The following TNFSF8 variants were observed in gnomAD, a reference collection of about 807,000 sequenced individuals.
The protein encoded by TNFSF8 is TNF superfamily member 8.
Under a neutral mutation model 22.0 loss-of-function variants are expected in TNFSF8, and 4 were observed. The observed-to-expected ratio is 0.18, with a 90% CI of 0.09 to 0.42. The LOEUF (loss-of-function observed/expected upper bound fraction) is 0.42, where lower values mean the gene tolerates loss of function less well. TNFSF8 is among the 10% of genes least tolerant of loss of function. The pLI is 1.00. For missense variants in TNFSF8, 233 were observed against 281.8 expected (o/e 0.83, Z 1.24); for synonymous variants, 106 against 112.5 (o/e 0.94, Z 0.37).
Position 114,902,683 on chromosome 9 carries a change from A to AG in TNFSF8, c.*1247dup, listed in dbSNP as rs1211775232. 11 of 985,228 alleles carry AG rather than the reference A, an allele frequency of 1.1e-5. No individual in the cohort carries two copies. The highest frequency in any genetic ancestry group is 1.3e-5 in the Non-Finnish European group (11 of 829,926). The allele number at this position is 985,228 out of a possible 1,614,324, so 61.0% of individuals were successfully genotyped here. A position where few individuals can be genotyped will look rare whatever the true frequency, so the allele number is the denominator to read the frequency against. On this transcript the variant is annotated 3_prime_UTR_variant, in exon 4 of 4. Coordinates refer to ENST00000223795, the MANE Select transcript of TNFSF8 (RefSeq NM_001244.4). Reference sequence around the variant, plus strand: ...AGTGTCTTCAATTATATACTGGGGTAGGGGGGCCTTATTTTGGTTGGAGAG... The same window carrying AG: ...AGTGTCTTCAATTATATACTGGGGTAGGGGGGGCCTTATTTTGGTTGGAGAG...
intron 4 of TNFSF8, among the ~76,000 whole-genome samples, chr9:114,895,907 T>C (rs1827651003): frequency 6.6e-6 from 1 of 152,234 alleles, no homozygotes; most frequent in Non-Finnish European, 1.5e-5. Flanking sequence ...GTTGTCCAGA[T>C]TATTCCTAGT....
chr9:114,917,956 A>T, intron 2 of TNFSF8, 140 bp downstream of exon 2: 1 of 719,520 alleles, frequency 1.4e-6, no homozygotes, highest in South Asian at 2.3e-5. Flanking sequence ...TCAGTCCTGA[A>T]CAGCCCTTGC....
rs200044873 is a variant in TNFSF8 at position 114,904,342 on chromosome 9, A to G, written c.311-17T>C. On this transcript the variant is annotated splice_polypyrimidine_tract_variant and intron_variant, in intron 3 of 3. Coordinates refer to ENST00000223795, the MANE Select transcript of TNFSF8 (RefSeq NM_001244.4). ...GCTTTGCCACTAGAAAGAGAAGTAT[A>G]GAAAACAGAATTATTGAGAAGATTG... The G allele has an allele frequency of 2.2e-5, 34 of 1,576,636 alleles. No individual in the cohort carries two copies. The East Asian group carries it at 7.2e-4, about 33-fold the overall frequency.
intron 2 of TNFSF8, among the ~76,000 whole-genome samples, chr9:114,915,737 G>A (rs1177559220): frequency 6.7e-6 from 1 of 149,420 alleles, no homozygotes; most frequent in Non-Finnish European, 1.5e-5. Flanking sequence ...CCCAAAGGAG[G>A]TATGGGAAGG....
At position 114,901,351 on chromosome 9, in the gene TNFSF8, T is replaced by C. The variant is rs961484608; in HGVS notation, c.*2580A>G. The C allele has an allele frequency of 8.1e-6, 8 of 985,440 alleles. No individual in the cohort carries two copies. Among genetic ancestry groups the C allele is most frequent in the Non-Finnish European group, 9.6e-6 (8 of 829,912 alleles). 61.0% of individuals were successfully genotyped at this position (985,440 alleles called of 1,614,324 possible). A position where few individuals can be genotyped will look rare whatever the true frequency, so the allele number is the denominator to read the frequency against. On this transcript the variant is annotated 3_prime_UTR_variant, in exon 4 of 4. Transcript: ENST00000223795. ...TTTTTTTGTTTGTTTGGTTACATTA[T>C]TCATTTAAATGATGTACCCCTTGTG... is the stretch of plus-strand genomic sequence containing the variant.
intron 2 of TNFSF8, among the ~76,000 whole-genome samples, chr9:114,908,588 T>G (rs1222738398): frequency 6.6e-6 from 1 of 152,156 alleles, no homozygotes. Context: ...CTGGTTCTTT[T>G]GTTGTTTTTT....
Position 114,907,484 on chromosome 9 carries a change from C to A in TNFSF8, c.239-1585G>T, listed in dbSNP as rs567822977. Among the ~76,000 whole-genome samples the A allele has an allele frequency of 2.0e-4, 30 of 152,270 alleles. No individual in the cohort carries two copies. In the South Asian group the frequency reaches 6.2e-3, roughly 32 times the overall value. On this transcript the variant is annotated intron_variant, in intron 2 of 3. Coordinates refer to ENST00000223795, the MANE Select transcript of TNFSF8 (RefSeq NM_001244.4). ...TGGCGTAGCCTCCTACTCTAAGCTGCAGAACATCAAGCCAGGGAGACAGAC... is the reference window on the plus strand; with the variant it reads ...TGGCGTAGCCTCCTACTCTAAGCTGAAGAACATCAAGCCAGGGAGACAGAC...
intron 1 of TNFSF8, among the ~76,000 whole-genome samples, chr9:114,923,522 C>CTTTTTTT: frequency 1.1e-5 from 1 of 89,746 alleles, no homozygotes; most frequent in South Asian, 3.8e-4. Context: ...TTCTTTCTTT[C>CTTTTTTT]TTTTTTTTTT....
chr9:114,930,251 G>A lies in TNFSF8; in HGVS notation c.53C>T (p.Thr18Ile), dbSNP rs61756337. Residue 18 changes from threonine to isoleucine, a missense_variant, in exon 1 of 4, where the codon ACA (threonine) becomes ATA (isoleucine). Physicochemically the swap from Thr to Ile is moderately conservative, Grantham distance 89. Coordinates refer to ENST00000223795, the MANE Select transcript of TNFSF8 (RefSeq NM_001244.4). ...ALNGMAPPGD[T>I]AMHVPAGSVA... ...GGAGCCCGCCGGCACATGCATGGCT[G>A]TGTCTCCAGGAGGGGCCATTCCGTT... 353 of 1,605,538 alleles carry A rather than the reference G, an allele frequency of 2.2e-4. No individual in the cohort carries two copies. Among genetic ancestry groups the A allele is most frequent in the Non-Finnish European group, 2.8e-4 (332 of 1,175,940 alleles).
downstream of TNFSF8, among the ~76,000 whole-genome samples, chr9:114,897,264 GT>G (rs11353389): frequency 0.55 from 82,488 of 149,376 alleles, 24,103 homozygotes; most frequent in African/African-American, 0.75. Flanking sequence ...GAAAAGAACT[GT>G]TTTTTTTTTT....
At chr9:114,914,194 A>G (rs902301067) in intron 2 of TNFSF8, among the ~76,000 whole-genome samples, 11 of 152,282 alleles carry the variant, frequency 7.2e-5, no homozygotes, top group African/African-American at 2.4e-4. Context: ...CCCAGGGAGG[A>G]TAGCTGTCCC....
At chr9:114,915,018 C>T (rs965300678) in intron 2 of TNFSF8, among the ~76,000 whole-genome samples, 2 of 152,186 alleles carry the variant, frequency 1.3e-5, no homozygotes, top group Non-Finnish European at 1.5e-5. Flanking sequence ...TTTTCAACAG[C>T]CAGTGAAAAA....
At chr9:114,923,434 A>T (rs1828013540) in intron 1 of TNFSF8, among the ~76,000 whole-genome samples, 1 of 151,766 alleles carries the variant, frequency 6.6e-6, no homozygotes, top group South Asian at 2.1e-4. Context: ...AAGAGTATTT[A>T]TGTCTTCAGA....
At chr9:114,918,186 G>C in intron 1 of TNFSF8, 48 bp from the exon 2 acceptor site, 1 of 1,552,330 alleles carries the variant, frequency 6.4e-7, no homozygotes, top group South Asian at 1.2e-5. Context: ...ACATTCAGTT[G>C]AAACAACTTT....
chr9:114,904,486 A>ATG (rs1827760475), intron 3 of TNFSF8, among the ~76,000 whole-genome samples, 161 bp from the exon 4 acceptor site: 1 of 152,196 alleles, frequency 6.6e-6, no homozygotes, highest in Non-Finnish European at 1.5e-5. Context: ...GAGTCTACTT[A>ATG]TTACTCAAGG....
At chr9:114,923,180 T>C (rs564022060) in intron 1 of TNFSF8, among the ~76,000 whole-genome samples, 1 of 151,978 alleles carries the variant, frequency 6.6e-6, no homozygotes, top group Non-Finnish European at 1.5e-5. Context: ...CTACCATTCC[T>C]CTCCTCACAC....
At chr9:114,924,960 G>A (rs1828038356) in intron 1 of TNFSF8, among the ~76,000 whole-genome samples, 1 of 152,174 alleles carries the variant, frequency 6.6e-6, no homozygotes, top group South Asian at 2.1e-4. Flanking sequence ...ATGAATGTCA[G>A]GTGGAGGGAG....
downstream of TNFSF8, among the ~76,000 whole-genome samples, chr9:114,896,735 A>G (rs1827658904): frequency 6.6e-6 from 1 of 152,198 alleles, no homozygotes; most frequent in African/African-American, 2.4e-5. Context: ...GATGGATTCT[A>G]CAGCAAATAT....
chr9:114,908,570 C>T (rs1303741242), intron 2 of TNFSF8, among the ~76,000 whole-genome samples: 4 of 152,084 alleles, frequency 2.6e-5, no homozygotes, highest in Non-Finnish European at 4.4e-5. Flanking sequence ...GCTTGCCTCT[C>T]ACACGTTCTG....
Sources: allele counts gnomAD v4.1 joint callset (sites outside exome capture counted in the v4.1 genomes callset), GRCh38; gene constraint gnomAD v4.1.1; transcripts MANE v1.5; gene names NCBI Gene and HGNC (gene_info 2026-07-23, HGNC 2026-07-21).